Variants in TMEM19 observed in about 807,000 individuals in gnomAD.
TMEM19 encodes transmembrane protein 19.
A neutral mutation model predicts 33.6 loss-of-function variants in TMEM19; 21 were observed. The observed-to-expected ratio is 0.62, with a 90% CI of 0.44 to 0.90. The LOEUF (loss-of-function observed/expected upper bound fraction) is 0.90, where lower values mean the gene tolerates loss of function less well. TMEM19 is among the 40% of genes least tolerant of loss of function. The pLI, the probability that TMEM19 is intolerant of heterozygous loss-of-function variation, is 0.00. For synonymous variants in TMEM19, 149 were observed against 147.5 expected, an observed-to-expected ratio of 1.01 and a Z score of -0.07; for missense variants, 402 against 401.8, an observed-to-expected ratio of 1.00 and a Z score of 0.00.
chr12:71,691,558 C>T lies in TMEM19; in HGVS notation c.244+1854C>T, dbSNP rs898526905. Reference sequence around the variant, plus strand: ...CCAAGGCAGAAGGATCACTCGAGTCCAGGAGTTTGAGACCAGCCTGGACAG... The same window carrying T: ...CCAAGGCAGAAGGATCACTCGAGTCTAGGAGTTTGAGACCAGCCTGGACAG... On this transcript the variant is annotated intron_variant, in intron 2 of 5. Coordinates refer to ENST00000266673, the MANE Select transcript of TMEM19 (RefSeq NM_018279.4). Among the ~76,000 whole-genome samples, 4 of 129,620 alleles carry T rather than the reference C, an allele frequency of 3.1e-5. No homozygotes were observed. In the East Asian group the frequency reaches 9.9e-4, roughly 32 times the overall value. The allele number at this position is 129,620 out of a possible 152,430, so 85.0% of individuals were successfully genotyped here.
At chr12:71,693,772 C>T (rs149972616) in intron 2 of TMEM19, among the ~76,000 whole-genome samples, 9,089 of 152,148 alleles carry the variant, frequency 0.06, 314 homozygotes, top group South Asian at 0.085. Flanking sequence ...AGGTCTTTCC[C>T]GTGCTGTTCT....
At chr12:71,700,453 G>A (rs961632511) in intron 5 of TMEM19, among the ~76,000 whole-genome samples, 1 of 152,152 alleles carries the variant, frequency 6.6e-6, no homozygotes, top group Non-Finnish European at 1.5e-5. Context: ...AGTCTTGGAG[G>A]GGAACCACTG....
intron 2 of TMEM19, among the ~76,000 whole-genome samples, chr12:71,692,664 A>G (rs1041123781): frequency 1.3e-5 from 2 of 152,132 alleles, no homozygotes; most frequent in Non-Finnish European, 2.9e-5. Context: ...GTTTCTAAAA[A>G]TTATCCTAGT....
At chr12:71,688,365 G>A (rs1881728080) in intron 1 of TMEM19, among the ~76,000 whole-genome samples, 2 of 152,072 alleles carry the variant, frequency 1.3e-5, no homozygotes, top group African/African-American at 4.8e-5. Flanking sequence ...AAGTAGCTGG[G>A]ATTACAGGTG....
chr12:71,688,094 T>C (rs1229224560), intron 1 of TMEM19, among the ~76,000 whole-genome samples: 2 of 152,214 alleles, frequency 1.3e-5, no homozygotes, highest in Non-Finnish European at 2.9e-5. Flanking sequence ...ATTTGTAAAC[T>C]GAAATATCCC....
chr12:71,694,608 G>C (rs772785433), intron 2 of TMEM19, among the ~76,000 whole-genome samples: 4 of 152,202 alleles, frequency 2.6e-5, no homozygotes, highest in Non-Finnish European at 5.9e-5. Flanking sequence ...CAGGCCACTT[G>C]AGAAGTCAGA....
At chr12:71,690,107 G>T (rs929292704) in intron 2 of TMEM19, among the ~76,000 whole-genome samples, 2 of 152,076 alleles carry the variant, frequency 1.3e-5, no homozygotes, top group African/African-American at 4.8e-5. Context: ...TTAGTGTTCT[G>T]GATTAATTTT....
At chr12:71,700,668 A>G (rs1251592897) in intron 5 of TMEM19, among the ~76,000 whole-genome samples, 164 bp from the exon 6 acceptor site, 1 of 152,118 alleles carries the variant, frequency 6.6e-6, no homozygotes, top group East Asian at 1.9e-4. Flanking sequence ...GAACCTTTCA[A>G]AGATTGTCTC....
At position 71,697,512 on chromosome 12, in the gene TMEM19, A is replaced by C; in HGVS notation, c.615A>C (p.Thr205=). ...GTAAAAGTTCTCCAAGACTGATAAC[A>C]ACCTGGGAGAAAGTTCCAGTTGGTG... The part of the protein sequence containing the change: ...VLSKSSPRLI[T]TWEKVPVGTN... Residue 205 remains threonine (T), a synonymous_variant, in exon 4 of 6, where the codon ACA becomes ACC. Transcript: ENST00000266673. 1.3e-6 allele frequency: 2 copies of C among 1,576,250 alleles called. No homozygotes were observed. Among genetic ancestry groups the C allele is most frequent in the Non-Finnish European group, 1.7e-6 (2 of 1,167,862 alleles).
Position 71,703,241 on chromosome 12 carries a change from C to G in TMEM19, c.*2246C>G, listed in dbSNP as rs1041692276. On this transcript the variant is annotated 3_prime_UTR_variant, in exon 6 of 6. Transcript: ENST00000266673. ...AAAAAAAAAAAGAATATTCTAAGCA[C>G]TAGAACTACATAAGAATGTCCTAAA... 2 of 113,298 alleles carry G rather than the reference C, an allele frequency of 1.8e-5. No homozygotes were observed. The highest frequency in any genetic ancestry group is 3.7e-5 in the Non-Finnish European group (2 of 53,454). The allele number at this position is 113,298 out of a possible 1,614,324, so 7.0% of individuals were successfully genotyped here.
chr12:71,696,083 A>G (rs1184692549), intron 2 of TMEM19, among the ~76,000 whole-genome samples: 1 of 152,166 alleles, frequency 6.6e-6, no homozygotes, highest in East Asian at 1.9e-4. Flanking sequence ...TTAGGAGGCC[A>G]ATGCTGGGCA....
intron 5 of TMEM19, among the ~76,000 whole-genome samples, chr12:71,700,038 A>G (rs1428617421): frequency 6.6e-6 from 1 of 152,074 alleles, no homozygotes; most frequent in African/African-American, 2.4e-5. Context: ...AAGGCTAGAG[A>G]AGGGTTCTCT....
At chr12:71,698,826 G>T in intron 4 of TMEM19, 74 bp from the exon 5 acceptor site, 1 of 1,309,388 alleles carries the variant, frequency 7.6e-7, no homozygotes, top group Non-Finnish European at 1.1e-6. Flanking sequence ...TGATTAGATA[G>T]GTACCTTGCT....
At chr12:71,696,384 G>A (rs1351443350) in intron 2 of TMEM19, 52 bp from the exon 3 acceptor site, 11 of 1,398,498 alleles carry the variant, frequency 7.9e-6, no homozygotes, top group East Asian at 2.4e-5. Flanking sequence ...TTTTTTCACA[G>A]CATTGATGTA....
intron 1 of TMEM19, among the ~76,000 whole-genome samples, chr12:71,688,673 G>T (rs1293958471): frequency 6.6e-6 from 1 of 152,212 alleles, no homozygotes; most frequent in East Asian, 1.9e-4. Context: ...CTGTTTAAAG[G>T]AGGGCACCTC....
At chr12:71,689,477 T>C in intron 1 of TMEM19, 114 bp from the exon 2 acceptor site, 2 of 770,676 alleles carry the variant, frequency 2.6e-6, no homozygotes, top group Non-Finnish European at 4.6e-6. Context: ...GACTTCATCT[T>C]GGTGTTTGTA....
chr12:71,698,760 T>C, intron 4 of TMEM19, 140 bp from the exon 5 acceptor site: 1 of 729,754 alleles, frequency 1.4e-6, no homozygotes, highest in South Asian at 1.9e-5. Context: ...TACTGTTTTC[T>C]AAAAAGCTAC....
At chr12:71,689,806 T>A in intron 2 of TMEM19, 102 bp downstream of exon 2, 2 of 779,008 alleles carry the variant, frequency 2.6e-6, no homozygotes, top group Non-Finnish European at 4.1e-6. Flanking sequence ...TGACTACAAA[T>A]CACAGTTATA....
intron 1 of TMEM19, among the ~76,000 whole-genome samples, chr12:71,688,960 C>T (rs1351078628): frequency 1.3e-5 from 2 of 152,014 alleles, no homozygotes; most frequent in South Asian, 2.1e-4. Context: ...AAATTTAATA[C>T]GTGCCCCCTT....
Sources: gnomAD v4.1 joint callset for allele counts (sites outside exome capture counted in the v4.1 genomes callset) on GRCh38, gnomAD v4.1.1 for gene constraint, MANE v1.5 for transcripts, NCBI Gene and HGNC (gene_info 2026-07-23, HGNC 2026-07-21) for gene names.